Variants in NOVA1 observed in about 807,000 individuals in gnomAD.
The protein encoded by NOVA1 is NOVA alternative splicing regulator 1, also known as RNA-binding protein Nova-1.
A neutral mutation model predicts 38.0 loss-of-function variants in NOVA1; 7 were observed. The ratio of observed to expected loss-of-function variants is 0.18; its 90% CI spans 0.10 to 0.35. The LOEUF is 0.35. Ranked by LOEUF, NOVA1 falls within the 10% of genes least tolerant of loss-of-function variation. The probability of loss-of-function intolerance (pLI) is 1.00; values close to 1 mark genes in which losing one functional copy is unlikely to be tolerated. For missense variants in NOVA1, 460 were observed against 616.0 expected (o/e 0.75, Z 2.68); for synonymous variants, 270 against 232.5 (o/e 1.16, Z -1.47).
intron 2 of NOVA1, among the ~76,000 whole-genome samples, chr14:26,569,538 GAA>G (rs1385430527): frequency 6.6e-6 from 1 of 152,162 alleles, no homozygotes; most frequent in Non-Finnish European, 1.5e-5. Flanking sequence ...GATACGTTAA[GAA>G]AAGTTTCCAA....
Position 26,447,944 on chromosome 14 carries a change from G to A in NOVA1, c.*15C>T, listed in dbSNP as rs1882218601. ...AAAGGAGGGGTTAAAACAATCTGAT[G>A]TGTAACTGGGGCACTCAACCCACTT... is the stretch of plus-strand genomic sequence containing the variant. On this transcript the variant is annotated 3_prime_UTR_variant, in exon 5 of 5. Transcript: ENST00000539517. 1 of 1,608,214 alleles carries A rather than the reference G, an allele frequency of 6.2e-7. No individual in the cohort carries two copies. Among genetic ancestry groups the A allele is most frequent in the Middle Eastern group, 1.7e-4 (1 of 5,988 alleles).
At chr14:26,508,874 G>A (rs1318993291) in intron 2 of NOVA1, among the ~76,000 whole-genome samples, 1 of 151,572 alleles carries the variant, frequency 6.6e-6, no homozygotes, top group Non-Finnish European at 1.5e-5. Flanking sequence ...AAATTTAATA[G>A]AAGTGTATAT....
intron 4 of NOVA1, among the ~76,000 whole-genome samples, chr14:26,461,743 A>C (rs190381818): frequency 5.4e-5 from 8 of 148,674 alleles, no homozygotes; most frequent in African/African-American, 2.0e-4. Flanking sequence ...AGCCTGACCA[A>C]CATGGAGAAA....
At chr14:26,451,490 C>T (rs1471634752) in intron 4 of NOVA1, among the ~76,000 whole-genome samples, 3 of 152,022 alleles carry the variant, frequency 2.0e-5, no homozygotes, top group Non-Finnish European at 2.9e-5. Flanking sequence ...GCCTCAGTTT[C>T]GCAAGTAGCT....
intron 2 of NOVA1, among the ~76,000 whole-genome samples, chr14:26,575,178 C>T (rs529265062): frequency 7.0e-4 from 107 of 152,290 alleles, no homozygotes; most frequent in Non-Finnish European, 1.3e-3. Flanking sequence ...TTGCTTGACA[C>T]TGACTAAACG....
At chr14:26,532,210 T>C (rs2138557038) in intron 2 of NOVA1, among the ~76,000 whole-genome samples, 1 of 152,262 alleles carries the variant, frequency 6.6e-6, no homozygotes, top group South Asian at 2.1e-4. Flanking sequence ...AACGAAAGCA[T>C]AACTCTGCAC....
At chr14:26,477,353 T>C (rs897233128) in intron 3 of NOVA1, among the ~76,000 whole-genome samples, 1 of 152,180 alleles carries the variant, frequency 6.6e-6, no homozygotes, top group African/African-American at 2.4e-5. Flanking sequence ...TCTTCCCTGA[T>C]GTAGCTTTTA....
At position 26,447,385 on chromosome 14, in the gene NOVA1, A is replaced by G. The variant is rs1882163874; in HGVS notation, c.*574T>C. ...GGTGCTTTTATTGATCTGTAAACTT[A>G]CCAATATAATTTTCCACAGTTTTAA... On this transcript the variant is annotated 3_prime_UTR_variant, in exon 5 of 5. Transcript: ENST00000539517. The G allele has an allele frequency of 6.5e-6, 1 of 153,940 alleles. No homozygotes were observed. The highest frequency in any genetic ancestry group is 2.0e-4 in the South Asian group (1 of 4,938). 9.5% of individuals were successfully genotyped at this position (153,940 alleles called of 1,614,324 possible). A position where few individuals can be genotyped will look rare whatever the true frequency, so the allele number is the denominator to read the frequency against.
intron 2 of NOVA1, among the ~76,000 whole-genome samples, chr14:26,582,174 C>A (rs2138772075): frequency 6.6e-6 from 1 of 151,848 alleles, no homozygotes; most frequent in African/African-American, 2.4e-5. Flanking sequence ...TTAGTTGAAA[C>A]ATTTCCCAAA....
At chr14:26,578,997 T>G (rs1214407176) in intron 2 of NOVA1, among the ~76,000 whole-genome samples, 2 of 151,812 alleles carry the variant, frequency 1.3e-5, no homozygotes, top group Non-Finnish European at 2.9e-5. Context: ...AATTAAATGG[T>G]CTTTAACAAA....
At chr14:26,493,935 A>T (rs1039381873) in intron 2 of NOVA1, among the ~76,000 whole-genome samples, 4 of 152,178 alleles carry the variant, frequency 2.6e-5, no homozygotes, top group African/African-American at 9.6e-5. Context: ...CAAGGAGCAG[A>T]AAAGAAAGGT....
At chr14:26,541,556 G>C (rs552402758) in intron 2 of NOVA1, among the ~76,000 whole-genome samples, 69 of 147,034 alleles carry the variant, frequency 4.7e-4, no homozygotes, top group Non-Finnish European at 3.6e-4. Flanking sequence ...TTTTATAATT[G>C]ATACATACTA....
rs1159439868 is a variant in NOVA1 at position 26,457,448 on chromosome 14, A to T, written c.520-8485T>A. 1.8e-4 allele frequency among the ~76,000 whole-genome samples: 28 copies of T among 152,092 alleles called. 1 individual carries two copies. Among genetic ancestry groups the T allele is most frequent in the Admixed American group, 1.8e-3 (28 of 15,244 alleles). On this transcript the variant is annotated intron_variant, in intron 4 of 4. Coordinates refer to ENST00000539517, the MANE Select transcript of NOVA1 (RefSeq NM_002515.3). ...ATGTATTCAATGGTGATCTTACAGG[A>T]TTATAATGGAGCTGAAAAATTTCTG...
At chr14:26,504,277 T>C (rs1887462552) in intron 2 of NOVA1, among the ~76,000 whole-genome samples, 1 of 152,174 alleles carries the variant, frequency 6.6e-6, no homozygotes, top group Non-Finnish European at 1.5e-5. Flanking sequence ...AGATGGTTTT[T>C]CCCATGAAAT....
At chr14:26,525,579 C>A (rs1330711246) in intron 2 of NOVA1, among the ~76,000 whole-genome samples, 7 of 152,116 alleles carry the variant, frequency 4.6e-5, no homozygotes, top group Admixed American at 6.5e-5. Flanking sequence ...CATATTCACC[C>A]ATTTATAATA....
chr14:26,480,232 A>T (rs1054349720), intron 2 of NOVA1, 89 bp from the exon 3 acceptor site: 3 of 1,122,846 alleles, frequency 2.7e-6, no homozygotes, highest in East Asian at 2.5e-5. Flanking sequence ...CGCCAAAAAA[A>T]TGTAAAATGC....
intron 2 of NOVA1, among the ~76,000 whole-genome samples, chr14:26,499,760 G>GA (rs1275492436): frequency 6.6e-6 from 1 of 152,062 alleles, no homozygotes; most frequent in Non-Finnish European, 1.5e-5. Flanking sequence ...GCTATGGCAT[G>GA]AAAAAACAAA....
intron 2 of NOVA1, among the ~76,000 whole-genome samples, chr14:26,494,599 T>C (rs1886614629): frequency 6.6e-6 from 1 of 152,210 alleles, no homozygotes; most frequent in African/African-American, 2.4e-5. Context: ...GTGACTTCCA[T>C]TAACCACTTC....
chr14:26,590,493 T>G (rs1471477185), intron 2 of NOVA1, among the ~76,000 whole-genome samples: 1 of 151,914 alleles, frequency 6.6e-6, no homozygotes, highest in Non-Finnish European at 1.5e-5. Flanking sequence ...TAGCATAATA[T>G]GTAGTCAATA....
Sources: allele counts gnomAD v4.1 joint callset (sites outside exome capture counted in the v4.1 genomes callset), GRCh38; gene constraint gnomAD v4.1.1; transcripts MANE v1.5; gene names NCBI Gene and HGNC (gene_info 2026-07-23, HGNC 2026-07-21).